ABCA4: variants seen among roughly 807,000 people sequenced by gnomAD.
ABCA4 encodes the protein retinal-specific phospholipid-transporting ATPase ABCA4.
ABCA4 carries 196 observed loss-of-function variants against 263.7 expected under a neutral mutation model. The observed-to-expected ratio is 0.74, with a 90% CI of 0.66 to 0.84. ABCA4 has a LOEUF of 0.84. Among genes scored for constraint, ABCA4 ranks in the 40% least tolerant of loss-of-function variants. The pLI is 0.00. For missense variants in ABCA4, 2,792 were observed against 2,855.1 expected (o/e 0.98, Z 0.50); for synonymous variants, 1,133 against 1,094.2 (o/e 1.04, Z -0.70).
At chr1:94,080,387 C>A (rs893822010) in intron 8 of ABCA4, 91 bp downstream of exon 8, 20 of 1,561,548 alleles carry the variant, frequency 1.3e-5, no homozygotes, top group Non-Finnish European at 1.6e-5. Flanking sequence ...AAGACAGATG[C>A]AACCCCAGGT....
intron 18 of ABCA4, among the ~76,000 whole-genome samples, chr1:94,048,133 A>C (rs187463016): frequency 1.3e-5 from 2 of 152,266 alleles, no homozygotes; most frequent in African/African-American, 4.8e-5. Context: ...AGTTTTATGA[A>C]ATGGCCCCTG....
intron 21 of ABCA4, 54 bp downstream of exon 21, chr1:94,043,282 T>G: frequency 1.2e-6 from 2 of 1,612,726 alleles, no homozygotes; most frequent in African/African-American, 1.3e-5. Context: ...CTGGGTGCAC[T>G]GGGGAGCCAT....
At chr1:94,022,344 GCCAACT>G (rs1421313358) in intron 32 of ABCA4, among the ~76,000 whole-genome samples, 1 of 152,174 alleles carries the variant, frequency 6.6e-6, no homozygotes, top group Non-Finnish European at 1.5e-5. Context: ...GGAGCATCGA[GCCAACT>G]CCAGGTCCTC....
intron 1 of ABCA4, among the ~76,000 whole-genome samples, chr1:94,116,693 T>G (rs3789445): frequency 0.24 from 35,981 of 152,006 alleles, 4,380 homozygotes; most frequent in East Asian, 0.34. Flanking sequence ...CATGCTCAGC[T>G]TCCCCTCCCC....
chr1:94,101,682 G>GA (rs1435306886), intron 5 of ABCA4, among the ~76,000 whole-genome samples: 2 of 152,206 alleles, frequency 1.3e-5, no homozygotes, highest in Non-Finnish European at 2.9e-5. Flanking sequence ...GAGTCTGGAG[G>GA]AGGATCAGAC....
intron 40 of ABCA4, 71 bp from the exon 41 acceptor site, chr1:94,008,942 C>T: frequency 6.3e-7 from 1 of 1,583,538 alleles, no homozygotes; most frequent in Non-Finnish European, 8.6e-7. Flanking sequence ...TCCATGGGAC[C>T]TCTCTTCCAC....
chr1:94,040,538 A>C (rs1660459683), intron 23 of ABCA4, among the ~76,000 whole-genome samples: 1 of 152,240 alleles, frequency 6.6e-6, no homozygotes, highest in African/African-American at 2.4e-5. Flanking sequence ...GAATGTGAGC[A>C]ATGCCTGTTC....
intron 6 of ABCA4, among the ~76,000 whole-genome samples, chr1:94,090,103 G>A (rs1661931596): frequency 1.3e-5 from 2 of 152,074 alleles, no homozygotes; most frequent in Admixed American, 6.5e-5. Flanking sequence ...GGATGTGGGG[G>A]AAACAGGAGT....
In ABCA4 at chr1:94,025,314, A is replaced by G. The variant is rs550246446; in HGVS notation, c.4540-266T>C. 1.4e-3 allele frequency among the ~76,000 whole-genome samples: 213 copies of G among 152,260 alleles called. 1 individual carries two copies. The highest frequency in any genetic ancestry group is 4.9e-3 in the African/African-American group (205 of 41,554). On this transcript the variant is annotated intron_variant, in intron 30 of 49. Transcript: ENST00000370225. ...CCATCTGCGTTTCTCCAGCTCCAATACTGCCACGCTACCCAAGCCACCACC... is the reference window on the plus strand; with the variant it reads ...CCATCTGCGTTTCTCCAGCTCCAATGCTGCCACGCTACCCAAGCCACCACC...
chr1:94,084,097 A>G lies in ABCA4; in HGVS notation c.769-656T>C, dbSNP rs79924370. On this transcript the variant is annotated intron_variant, in intron 6 of 49. Coordinates refer to ENST00000370225, the MANE Select transcript of ABCA4 (RefSeq NM_000350.3). ...TTGCCACCTCGGCAGGGGATGTGGAAGTCCCCAGGTGTGCTGCCTCCAAGC... is the reference window on the plus strand; with the variant it reads ...TTGCCACCTCGGCAGGGGATGTGGAGGTCCCCAGGTGTGCTGCCTCCAAGC... 3.8e-3 allele frequency among the ~76,000 whole-genome samples: 580 copies of G among 152,346 alleles called. 3 individuals are homozygous for G. Among genetic ancestry groups the G allele is most frequent in the Admixed American group, 0.012 (184 of 15,306 alleles).
In ABCA4 at chr1:94,107,886, A is replaced by T. The variant is rs143490838; in HGVS notation, c.442+691T>A. ...AAACAGGGTCATGGCACCCACTGAG[A>T]CTTCTATTCCCTTGCCTCTTCATTT... On this transcript the variant is annotated intron_variant, in intron 4 of 49. Coordinates refer to ENST00000370225, the MANE Select transcript of ABCA4 (RefSeq NM_000350.3). Among the ~76,000 whole-genome samples the T allele has an allele frequency of 2.8e-3, 431 of 152,016 alleles. 4 individuals are homozygous for T. Among genetic ancestry groups the T allele is most frequent in the African/African-American group, 9.4e-3 (389 of 41,454 alleles).
intron 38 of ABCA4, among the ~76,000 whole-genome samples, chr1:94,013,023 CT>C (rs1471645653): frequency 2.0e-5 from 3 of 150,444 alleles, no homozygotes. Context: ...AAGGCGGGTG[CT>C]TAGCAAATGT....
intron 43 of ABCA4, 122 bp from the exon 44 acceptor site, chr1:94,005,704 G>T: frequency 1.0e-6 from 1 of 972,622 alleles, no homozygotes; most frequent in Non-Finnish European, 1.5e-6. Flanking sequence ...CTCCTATTTG[G>T]CTTCAGAAAT....
At chr1:94,002,073 A>G in intron 44 of ABCA4, 81 bp from the exon 45 acceptor site, 1 of 1,600,438 alleles carries the variant, frequency 6.2e-7, no homozygotes, top group Admixed American at 1.7e-5. Context: ...TTGGGCTCCC[A>G]GATCTCACGC....
intron 1 of ABCA4, among the ~76,000 whole-genome samples, chr1:94,117,007 T>TTTCTTTCTTTCTTTCTTTCTTTCTTTC (rs1553197143): frequency 2.4e-3 from 277 of 116,254 alleles, no homozygotes; most frequent in African/African-American, 3.4e-3. Context: ...TCTTTCTTTC[T>TTTCTTTCTTTCTTTCTTTCTTTCTTTC]TTCTTTCTTT....
At chr1:94,015,699 T>A in intron 37 of ABCA4, 40 bp downstream of exon 37, 2 of 1,416,732 alleles carry the variant, frequency 1.4e-6, no homozygotes, top group Non-Finnish European at 9.9e-7. Context: ...ACCACCAGGC[T>A]TCTCTTCAGA....
intron 19 of ABCA4, chr1:94,045,934 G>A: frequency 2.2e-6 from 1 of 456,274 alleles, no homozygotes; most frequent in South Asian, 1.5e-5. Flanking sequence ...TGGCGCTCGG[G>A]TCCCTTGGAG....
At chr1:94,021,757 T>G (rs1335610052) in intron 33 of ABCA4, 43 bp from the exon 34 acceptor site, 24 of 1,610,032 alleles carry the variant, frequency 1.5e-5, no homozygotes, top group Non-Finnish European at 2.0e-5. Flanking sequence ...TTTTAATTTT[T>G]TTTTCCTGTT....
At chr1:94,048,635 T>C (rs1433564357) in intron 18 of ABCA4, among the ~76,000 whole-genome samples, 6 of 152,220 alleles carry the variant, frequency 3.9e-5, no homozygotes, top group Non-Finnish European at 7.3e-5. Context: ...GCACACTACA[T>C]AGTTGGTATT....
Sources: gnomAD v4.1 joint callset for allele counts (sites outside exome capture counted in the v4.1 genomes callset) on GRCh38, gnomAD v4.1.1 for gene constraint, MANE v1.5 for transcripts, NCBI Gene and HGNC (gene_info 2026-07-23, HGNC 2026-07-21) for gene names.